Variants in KRT84 observed in about 807,000 individuals in gnomAD.
The protein encoded by KRT84 is keratin, type II cuticular Hb4.
A neutral mutation model predicts 49.0 loss-of-function variants in KRT84; 38 were observed. That is an observed-to-expected ratio of 0.78 (90% CI 0.60 to 1.02). The LOEUF is 1.02. Among genes scored for constraint, KRT84 ranks in the 50% least tolerant of loss-of-function variants. The probability of loss-of-function intolerance (pLI) is 0.00; values close to 1 mark genes in which losing one functional copy is unlikely to be tolerated. For missense variants in KRT84, 860 were observed against 788.6 expected, an observed-to-expected ratio of 1.09 and a Z score of -1.08; for synonymous variants, 334 against 312.8, an observed-to-expected ratio of 1.07 and a Z score of -0.72.
At chr12:52,386,665 A>T (rs1235936841), upstream of KRT84, among the ~76,000 whole-genome samples, 1 of 152,142 alleles carries the variant, frequency 6.6e-6, no homozygotes, top group East Asian at 1.9e-4. Context: ...GGGCCTGTCC[A>T]TTTAGGTTCC....
At chr12:52,382,587 C>T (rs568719288) in intron 3 of KRT84, 55 bp from the exon 4 acceptor site, 36 of 1,402,526 alleles carry the variant, frequency 2.6e-5, no homozygotes, top group Admixed American at 3.4e-5. Flanking sequence ...TTTCACCTTC[C>T]CACCTGTGTC....
intron 4 of KRT84, 64 bp downstream of exon 4, chr12:52,382,373 G>C: frequency 9.3e-7 from 1 of 1,071,464 alleles, no homozygotes; most frequent in Admixed American, 1.7e-5. Context: ...CCCAGGCTAA[G>C]CATTCAGGGA....
At position 52,379,748 on chromosome 12, in the gene KRT84, C is replaced by T. The variant is rs969632483; in HGVS notation, c.1456+128G>A. 4 of 759,664 alleles carry T rather than the reference C, an allele frequency of 5.3e-6. No homozygotes were observed. In the Admixed American group the frequency reaches 8.5e-5, roughly 16 times the overall value. 47.1% of individuals were successfully genotyped at this position (759,664 alleles called of 1,614,324 possible). A position where few individuals can be genotyped will look rare whatever the true frequency, so the allele number is the denominator to read the frequency against. On this transcript the variant is annotated intron_variant, in intron 8 of 8. Coordinates refer to ENST00000257951, the MANE Select transcript of KRT84 (RefSeq NM_033045.4). ...TGCTCCCCATCCAGGGCTGGATGGT[C>T]CCAGCTCCCCTGACTGTCGTGGCCA...
At chr12:52,385,900 C>A (rs1437113510), upstream of KRT84, among the ~76,000 whole-genome samples, 1 of 151,890 alleles carries the variant, frequency 6.6e-6, no homozygotes, top group Non-Finnish European at 1.5e-5. Flanking sequence ...CTTTTTTTTC[C>A]CTATAAGTCT....
chr12:52,384,521 C>T (rs1297691118), intron 1 of KRT84, among the ~76,000 whole-genome samples: 2 of 152,096 alleles, frequency 1.3e-5, no homozygotes, highest in African/African-American at 4.8e-5. Flanking sequence ...ATTTTGATAC[C>T]CCATGTGGGG....
In KRT84 at chr12:52,385,563, A is replaced by G; in HGVS notation, c.23T>C (p.Val8Ala). The G allele has an allele frequency of 6.2e-7, 1 of 1,613,696 alleles. No homozygotes were observed. The highest frequency in any genetic ancestry group is 8.5e-7 in the Non-Finnish European group (1 of 1,179,814). ...GTTGCCCACCCGGTGACCAGAGCTG[A>G]CTCGGTAGGAGCGGCAAGACATGAT... MSCRSYR[V>A]SSGHRVGNFS... The change falls in exon 1 of 9, where the codon GTC becomes GCC. Residue 8 changes from valine to alanine, a missense_variant. By Grantham distance (64) the Val-to-Ala change is moderately conservative (BLOSUM62 0). Transcript: ENST00000257951.
chr12:52,382,305 C>T (rs968803230), intron 4 of KRT84, 132 bp downstream of exon 4: 4 of 646,126 alleles, frequency 6.2e-6, no homozygotes, highest in South Asian at 5.7e-5. Context: ...GCATATATAG[C>T]ATACAGATTT....
Position 52,385,070 on chromosome 12 carries a change from G to A in KRT84, c.516C>T (p.Leu172=), listed in dbSNP as rs1565777061. Residue 172 remains leucine, a synonymous_variant, in exon 1 of 9, where the codon CTC becomes CTT. Transcript: ENST00000257951. ...CAATGAAGGAGGCAAACTTGTTGTT[G>A]AGGGTCTTGATTTGCTCCTTCTCAT... ...KKDEKEQIKT[L]NNKFASFIDK... is the part of the protein sequence containing the mutation. The A allele has an allele frequency of 4.4e-6, 7 of 1,608,074 alleles. No homozygotes were observed. The highest frequency in any genetic ancestry group is 5.9e-6 in the Non-Finnish European group (7 of 1,177,160).
In KRT84 at chr12:52,382,511, T is replaced by C. The variant is rs570873419; in HGVS notation, c.838A>G (p.Asn280Asp). The C allele has an allele frequency of 6.2e-7, 1 of 1,613,918 alleles. No homozygotes were observed. Among genetic ancestry groups the C allele is most frequent in the South Asian group, 1.1e-5 (1 of 91,068 alleles). The change falls in exon 4 of 9, where the codon AAC becomes GAC. Residue 280 changes from asparagine (N) to aspartate (D), a missense_variant. Transcript: ENST00000257951. ...LKKDVDAAFM[N>D]KSDLEANVDT... ...ACGTTGGCCTCGAGATCAGACTTGT[T>C]CATGAAAGCTGCATCCACATCCTGT...
In KRT84 at chr12:52,378,157, C is replaced by T; in HGVS notation, c.1680G>A (p.Glu560=). The T allele has an allele frequency of 6.3e-7, 1 of 1,576,000 alleles. No homozygotes were observed. ...GTRSGSMLIS[E]ACVPSVPCPL... ...GGCAGGGGACGCTGGGGACACAGGC[C>T]TCGCTGATGAGCATGGAGCCACTCC... Residue 560 remains glutamate (E), a synonymous_variant, in exon 9 of 9, where the codon GAG becomes GAA. Coordinates refer to ENST00000257951, the MANE Select transcript of KRT84 (RefSeq NM_033045.4).
At chr12:52,383,379 C>T (rs564510887) in intron 2 of KRT84, among the ~76,000 whole-genome samples, 10 of 152,332 alleles carry the variant, frequency 6.6e-5, no homozygotes, top group African/African-American at 2.4e-4. Flanking sequence ...TAGGGCCCAA[C>T]TGAAAAAGAT....
Position 52,381,100 on chromosome 12 carries a change from T to C in KRT84, c.1183A>G (p.Ile395Val). 2 of 1,614,106 alleles carry C rather than the reference T, an allele frequency of 1.2e-6. No homozygotes were observed. The highest frequency in any genetic ancestry group is 1.7e-6 in the Non-Finnish European group (2 of 1,179,988). ...TRLIQRLKAEIEHAKAQRAKL... is the reference protein window; with the variant it reads ...TRLIQRLKAEVEHAKAQRAKL... ...CCCACCTGAGCCTTGGCGTGCTCAA[T>C]CTCTGCCTTAAGCCTCTGGATCAGG... The change falls in exon 6 of 9, where the codon ATT becomes GTT. Residue 395 changes from isoleucine (I) to valine (V), a missense_variant. Ile to Val is a conservative substitution (Grantham distance 29, BLOSUM62 3). Coordinates refer to ENST00000257951, the MANE Select transcript of KRT84 (RefSeq NM_033045.4).
upstream of KRT84, among the ~76,000 whole-genome samples, chr12:52,386,850 C>T (rs1939579835): frequency 6.6e-6 from 1 of 152,096 alleles, no homozygotes; most frequent in African/African-American, 2.4e-5. Context: ...CATCCTTTGC[C>T]CAGGGGAACT....
intron 3 of KRT84, 58 bp from the exon 4 acceptor site, chr12:52,382,590 C>G: frequency 1.4e-6 from 2 of 1,387,242 alleles, no homozygotes; most frequent in Non-Finnish European, 1.0e-6. Flanking sequence ...CACCTTCCCA[C>G]CTGTGTCTGG....
chr12:52,381,516 A>G lies in KRT84; in HGVS notation c.922T>C (p.Leu308=). ...GTCTCTGAGATGTGCGACTGCAGCAACTGGATTTCCTGTGTTGGAGGATTG... is the reference window on the plus strand; with the variant it reads ...GTCTCTGAGATGTGCGACTGCAGCAGCTGGATTTCCTGTGTTGGAGGATTG... ...LKTLYMEEIQ[L]LQSHISETSV... is the part of the protein sequence containing the mutation. The change falls in exon 5 of 9, where the codon TTG becomes CTG. Residue 308 remains leucine (L), a synonymous_variant. Transcript: ENST00000257951. 6.2e-7 allele frequency: 1 copy of G among 1,614,006 alleles called. No individual in the cohort carries two copies. The highest frequency in any genetic ancestry group is 8.5e-7 in the Non-Finnish European group (1 of 1,179,968).
Position 52,378,281 on chromosome 12 carries a change from C to G in KRT84, c.1556G>C (p.Ser519Thr), listed in dbSNP as rs539944832. The change falls in exon 9 of 9, where the codon AGC (serine) becomes ACC (threonine). Residue 519 changes from serine to threonine, a missense_variant. Transcript: ENST00000257951. ...RGGVTFSGSS[S>T]VCATSGVLAS... Reference sequence around the variant, plus strand: ...CAGGACCCCACTGGTGGCACAGACGCTGCTGCTACCTGAGAAGGTGACCCC... The same window carrying G: ...CAGGACCCCACTGGTGGCACAGACGGTGCTGCTACCTGAGAAGGTGACCCC... 10 of 1,547,116 alleles carry G rather than the reference C, an allele frequency of 6.5e-6. No individual in the cohort carries two copies. The Admixed American group carries it at 1.9e-4, about 30-fold the overall frequency.
Position 52,378,068 on chromosome 12 carries a change from AC to A in KRT84, c.1768del (p.Val590CysfsTer55), listed in dbSNP as rs1295143634. The A allele has an allele frequency of 1.3e-6, 2 of 1,493,346 alleles. No individual in the cohort carries two copies. The highest frequency in any genetic ancestry group is 1.4e-5 in the African/African-American group (1 of 69,856). 92.5% of individuals were successfully genotyped at this position (1,493,346 alleles called of 1,614,324 possible). ...SGGRSSSVRF[V>X]STTTSCRTKY ...GGTCCGGCAGGAGGTGGTGGTGGAC[AC>A]AAAGCGGACGCTGGAGCTGCGGCCG... On this transcript the variant is annotated frameshift_variant, in exon 9 of 9. Coordinates refer to ENST00000257951, the MANE Select transcript of KRT84 (RefSeq NM_033045.4). LOFTEE classifies it high-confidence loss of function.
At chr12:52,379,329 T>C (rs917922890) in intron 8 of KRT84, among the ~76,000 whole-genome samples, 1 of 152,204 alleles carries the variant, frequency 6.6e-6, no homozygotes, top group Non-Finnish European at 1.5e-5. Flanking sequence ...CAGTGTTAGG[T>C]TGATGGTGGC....
chr12:52,383,153 C>T (rs1329148943), intron 2 of KRT84, 88 bp from the exon 3 acceptor site: 3 of 1,055,362 alleles, frequency 2.8e-6, no homozygotes, highest in African/African-American at 3.1e-5. Flanking sequence ...CAAGATCTCT[C>T]AGTCTGTGCA....
Sources: allele counts gnomAD v4.1 joint callset (sites outside exome capture counted in the v4.1 genomes callset), GRCh38; gene constraint gnomAD v4.1.1; transcripts MANE v1.5; gene names NCBI Gene and HGNC (gene_info 2026-07-23, HGNC 2026-07-21).